ANKDD1A: variants seen among roughly 807,000 people sequenced by gnomAD.
ANKDD1A encodes the protein ankyrin repeat and death domain-containing protein 1A.
ANKDD1A carries 59 observed loss-of-function variants against 63.5 expected under a neutral mutation model. The ratio of observed to expected loss-of-function variants is 0.93; its 90% CI spans 0.75 to 1.15. The LOEUF (loss-of-function observed/expected upper bound fraction) is 1.15, where lower values mean the gene tolerates loss of function less well. Among genes scored for constraint, ANKDD1A ranks in the 50% most tolerant of loss-of-function variants. The probability of loss-of-function intolerance (pLI) is 0.00; values close to 1 mark genes in which losing one functional copy is unlikely to be tolerated. For missense variants in ANKDD1A, 632 were observed against 656.4 expected (o/e 0.96, Z 0.41); for synonymous variants, 266 against 263.9 (o/e 1.01, Z -0.08).
In ANKDD1A at chr15:64,958,126, A is replaced by AAAAG. The variant is rs2085436229; in HGVS notation, c.*940_*943dup. 6.6e-6 allele frequency: 1 copy of AAAAG among 152,288 alleles called. No individual in the cohort carries two copies. Among genetic ancestry groups the AAAAG allele is most frequent in the African/African-American group, 2.4e-5 (1 of 41,458 alleles). 9.4% of individuals were successfully genotyped at this position (152,288 alleles called of 1,614,324 possible). On this transcript the variant is annotated 3_prime_UTR_variant, in exon 15 of 15. Transcript: ENST00000319580. ...AACAGGCAAAACTACAAAGACAGTAAAAAGATCAGTGATTTCCAGGAGCTG... is the reference window on the plus strand; with the variant it reads ...AACAGGCAAAACTACAAAGACAGTAAAAAGAAAGATCAGTGATTTCCAGGAGCTG...
At chr15:64,931,653 G>A (rs376802501) in intron 8 of ANKDD1A, 68 bp downstream of exon 8, 26 of 1,524,806 alleles carry the variant, frequency 1.7e-5, no homozygotes, top group African/African-American at 1.6e-4. Context: ...CGGCAGTAAC[G>A]GCCACAGGGA....
intron 14 of ANKDD1A, among the ~76,000 whole-genome samples, chr15:64,952,870 TCTCTTTCTTCTTCTCCTTCTTCCTTCTC>T (rs2085323430): frequency 7.2e-6 from 1 of 138,798 alleles, no homozygotes; most frequent in Admixed American, 6.9e-5. Flanking sequence ...CTTCTTTTCT[TCTCTTTCTTCTTCTCCTTCTTCCTTCTC>T]CTTCCTTCTC....
intron 11 of ANKDD1A, 65 bp downstream of exon 11, chr15:64,943,647 C>A (rs1567115492): frequency 7.1e-7 from 1 of 1,398,974 alleles, no homozygotes; most frequent in Non-Finnish European, 1.0e-6. Context: ...AGAGACCCTG[C>A]TACGAATGCC....
chr15:64,938,493 G>A (rs113732123), intron 9 of ANKDD1A, among the ~76,000 whole-genome samples: 4,452 of 152,246 alleles, frequency 0.029, 207 homozygotes, highest in South Asian at 0.12. Flanking sequence ...ATCCTGGTTA[G>A]GAGACATTCT....
intron 14 of ANKDD1A, among the ~76,000 whole-genome samples, chr15:64,953,597 T>TCC: frequency 1.8e-5 from 1 of 56,110 alleles, no homozygotes; most frequent in Non-Finnish European, 4.6e-5. Flanking sequence ...TCCTTCTCCT[T>TCC]TTCTTCTTTC....
chr15:64,921,000 T>TC (rs1321331987), intron 3 of ANKDD1A, among the ~76,000 whole-genome samples: 1 of 152,178 alleles, frequency 6.6e-6, no homozygotes, highest in Non-Finnish European at 1.5e-5. Context: ...AGACAGGGTT[T>TC]CGCTCTGTCA....
chr15:64,912,047 T>C (rs2084935179), intron 1 of ANKDD1A, 83 bp downstream of exon 1: 1 of 1,215,500 alleles, frequency 8.2e-7, no homozygotes, highest in African/African-American at 1.6e-5. Context: ...AGGGGTGAGG[T>C]TGGCGCCCTC....
chr15:64,954,540 CCTT>C (rs147574787), intron 14 of ANKDD1A, among the ~76,000 whole-genome samples: 130,430 of 145,018 alleles, frequency 0.9, 59,086 homozygotes, highest in East Asian at 0.99. Flanking sequence ...TCCTCCTTCT[CCTT>C]CTTCTTTTCT....
chr15:64,942,675 T>G (rs1186841989), intron 10 of ANKDD1A, 110 bp downstream of exon 10: 6 of 402,762 alleles, frequency 1.5e-5, no homozygotes, highest in African/African-American at 1.4e-4. Flanking sequence ...GGAATCACTT[T>G]TTTTTTTTTT....
intron 14 of ANKDD1A, among the ~76,000 whole-genome samples, chr15:64,954,718 T>TCTCCTCCTCCTTCTC (rs765291477): frequency 0.019 from 2,663 of 141,086 alleles, 43 homozygotes; most frequent in Admixed American, 0.027. Flanking sequence ...TTCTTCTCCT[T>TCTCCTCCTCCTTCTC]CTCCTCCTCC....
intron 9 of ANKDD1A, among the ~76,000 whole-genome samples, chr15:64,934,553 G>A (rs1444902111): frequency 7.0e-6 from 1 of 142,138 alleles, no homozygotes; most frequent in Admixed American, 7.3e-5. Context: ...AGGCTGGAGT[G>A]CAGTGTTGCA....
At chr15:64,954,209 T>G (rs1262816549) in intron 14 of ANKDD1A, among the ~76,000 whole-genome samples, 3 of 41,546 alleles carry the variant, frequency 7.2e-5, no homozygotes, top group African/African-American at 1.2e-4. Context: ...TCCTTATTCT[T>G]TTCTTCTTCT....
Position 64,915,785 on chromosome 15 carries a change from T to C in ANKDD1A, c.35-12T>C. ...CCTCCCCCTCATCCTGCACCCCATT[T>C]TCTCCCCACAGTGCTTCCTCTGGAG... is the stretch of plus-strand genomic sequence containing the variant. On this transcript the variant is annotated splice_polypyrimidine_tract_variant and intron_variant, in intron 1 of 14. Coordinates refer to ENST00000319580, the MANE Select transcript of ANKDD1A (RefSeq NM_182703.6). The C allele has an allele frequency of 6.2e-7, 1 of 1,613,104 alleles. No homozygotes were observed. The highest frequency in any genetic ancestry group is 8.5e-7 in the Non-Finnish European group (1 of 1,179,316).
intron 6 of ANKDD1A, among the ~76,000 whole-genome samples, chr15:64,929,367 T>C (rs1035317375): frequency 6.6e-6 from 1 of 151,854 alleles, no homozygotes; most frequent in African/African-American, 2.4e-5. Context: ...AGAGACGGAG[T>C]CTTACTATAT....
At chr15:64,954,356 T>TTCA (rs2085382619) in intron 14 of ANKDD1A, among the ~76,000 whole-genome samples, 1 of 80,900 alleles carries the variant, frequency 1.2e-5, no homozygotes, top group Non-Finnish European at 2.3e-5. Flanking sequence ...CCTTCTTCTC[T>TTCA]TCTTCTCCTT....
At position 64,931,525 on chromosome 15, in the gene ANKDD1A, C is replaced by G. The variant is rs1783056735; in HGVS notation, c.708C>G (p.Ser236=). Residue 236 remains serine, a synonymous_variant, in exon 8 of 15, where the codon TCC becomes TCG. Transcript: ENST00000319580. ...LTALHSAAGG[S]HPDCVQLLLR... ...CCCTGCATTCGGCTGCTGGAGGATC[C>G]CACCCTGACTGTGTGCAGCTCCTCC... 4.3e-6 allele frequency: 7 copies of G among 1,614,060 alleles called. No homozygotes were observed. Among genetic ancestry groups the G allele is most frequent in the Non-Finnish European group, 5.9e-6 (7 of 1,180,004 alleles).
intron 5 of ANKDD1A, 80 bp downstream of exon 5, chr15:64,926,250 C>T: frequency 1.5e-6 from 2 of 1,364,170 alleles, no homozygotes; most frequent in Non-Finnish European, 2.0e-6. Flanking sequence ...GGGCTTACCA[C>T]ATTCCTTGGG....
At chr15:64,920,971 CTTTG>C (rs1309029821) in intron 3 of ANKDD1A, among the ~76,000 whole-genome samples, 2 of 151,986 alleles carry the variant, frequency 1.3e-5, no homozygotes, top group African/African-American at 4.8e-5. Flanking sequence ...GTTTTTTTGT[CTTTG>C]TTTGTTTGTT....
intron 12 of ANKDD1A, 148 bp from the exon 13 acceptor site, chr15:64,947,256 G>T: frequency 1.4e-6 from 1 of 710,416 alleles, no homozygotes; most frequent in South Asian, 2.0e-5. Context: ...AACCAGAAGA[G>T]AGGACATTAA....
Sources: allele counts gnomAD v4.1 joint callset (sites outside exome capture counted in the v4.1 genomes callset), GRCh38; gene constraint gnomAD v4.1.1; transcripts MANE v1.5; gene names NCBI Gene and HGNC (gene_info 2026-07-23, HGNC 2026-07-21).